The following VPS36 variants were observed in gnomAD, a reference collection of about 807,000 sequenced individuals.
The protein encoded by VPS36 is vacuolar protein sorting 36 homolog.
In VPS36, 31 loss-of-function variants were observed where a neutral mutation model predicts 63.5. The ratio of observed to expected loss-of-function variants is 0.49; its 90% confidence interval spans 0.37 to 0.66. The LOEUF is 0.66. VPS36 is among the 30% of genes least tolerant of loss of function. The pLI is 0.00. For synonymous variants in VPS36, 138 were observed against 157.2 expected (o/e 0.88, Z 0.91); for missense variants, 338 against 463.7 (o/e 0.73, Z 2.49).
chr13:52,449,225 T>C (rs1958374397), intron 1 of VPS36, among the ~76,000 whole-genome samples: 1 of 152,156 alleles, frequency 6.6e-6, no homozygotes, highest in Non-Finnish European at 1.5e-5. Context: ...GCGCCTGTAA[T>C]CCCAGTTACT....
chr13:52,422,662 C>T (rs1467177533), intron 10 of VPS36, among the ~76,000 whole-genome samples: 4 of 152,170 alleles, frequency 2.6e-5, no homozygotes, highest in African/African-American at 4.8e-5. Context: ...ATTTGGCTTT[C>T]GTTGCTGCAC....
At position 52,415,607 on chromosome 13, in the gene VPS36, C is replaced by A. The variant is rs1594110275; in HGVS notation, c.*223G>T. ...AAACTCTGAGGGTTCTGCACTATAG[C>A]ATGATTTTAAATTCATATTGGCATT... On this transcript the variant is annotated 3_prime_UTR_variant, in exon 14 of 14. Transcript: ENST00000378060. 3.9e-6 allele frequency: 2 copies of A among 507,236 alleles called. No individual in the cohort carries two copies. The highest frequency in any genetic ancestry group is 6.8e-5 in the East Asian group (2 of 29,608). The allele number at this position is 507,236 out of a possible 1,614,324, so 31.4% of individuals were successfully genotyped here. A position where few individuals can be genotyped will look rare whatever the true frequency, so the allele number is the denominator to read the frequency against.
intron 2 of VPS36, 149 bp from the exon 3 acceptor site, chr13:52,439,317 T>G (rs1272126393): frequency 1.6e-6 from 1 of 625,850 alleles, no homozygotes; most frequent in Non-Finnish European, 2.5e-6. Flanking sequence ...TAAATGAACT[T>G]AAGGAAAAAT....
intron 3 of VPS36, among the ~76,000 whole-genome samples, chr13:52,437,871 A>G (rs995974404): frequency 6.6e-6 from 1 of 152,090 alleles, no homozygotes; most frequent in Admixed American, 6.6e-5. Context: ...CGGAGCTTGC[A>G]GTGAGCCAAG....
At chr13:52,427,388 G>C (rs1310999069) in intron 6 of VPS36, among the ~76,000 whole-genome samples, 169 bp from the exon 7 acceptor site, 1 of 152,136 alleles carries the variant, frequency 6.6e-6, no homozygotes, top group East Asian at 1.9e-4. Context: ...GGCAGATCAC[G>C]AGGTCAGGAG....
intron 3 of VPS36, among the ~76,000 whole-genome samples, chr13:52,437,483 T>C (rs1399927948): frequency 6.6e-6 from 1 of 152,114 alleles, no homozygotes; most frequent in Non-Finnish European, 1.5e-5. Flanking sequence ...TCAGCCCTAC[T>C]ATCAGATTGT....
At chr13:52,421,770 C>T (rs767729669) in intron 10 of VPS36, among the ~76,000 whole-genome samples, 1 of 151,898 alleles carries the variant, frequency 6.6e-6, no homozygotes, top group Non-Finnish European at 1.5e-5. Flanking sequence ...GTATTCTGCC[C>T]GCCTCAGCCT....
At chr13:52,416,975 A>G in intron 12 of VPS36, 82 bp downstream of exon 12, 1 of 1,190,378 alleles carries the variant, frequency 8.4e-7, no homozygotes, top group African/African-American at 1.5e-5. Flanking sequence ...TAAATTCAAA[A>G]GGAAATCCTG....
chr13:52,420,746 A>G (rs1958037933), intron 10 of VPS36, among the ~76,000 whole-genome samples: 1 of 152,264 alleles, frequency 6.6e-6, no homozygotes, highest in Admixed American at 6.5e-5. Context: ...GTCATTACAC[A>G]TTATATGCTT....
chr13:52,418,292 AG>A (rs945895083), intron 10 of VPS36, among the ~76,000 whole-genome samples: 2 of 151,050 alleles, frequency 1.3e-5, no homozygotes, highest in African/African-American at 2.4e-5. Flanking sequence ...AAAAATAAAA[AG>A]AGGCCATGCA....
At chr13:52,443,688 C>A (rs1217286179) in intron 1 of VPS36, among the ~76,000 whole-genome samples, 1 of 152,134 alleles carries the variant, frequency 6.6e-6, no homozygotes, top group Non-Finnish European at 1.5e-5. Context: ...GAGTATGTAT[C>A]ACCTATTCAA....
intron 2 of VPS36, among the ~76,000 whole-genome samples, chr13:52,441,257 T>G (rs1311083079): frequency 1.3e-5 from 2 of 152,074 alleles, no homozygotes; most frequent in African/African-American, 4.8e-5. Context: ...GCCCTTCAAG[T>G]GCTACAGTAC....
At chr13:52,438,728 ATAAC>A (rs1958243792) in intron 3 of VPS36, among the ~76,000 whole-genome samples, 1 of 152,202 alleles carries the variant, frequency 6.6e-6, no homozygotes, top group African/African-American at 2.4e-5. Flanking sequence ...GCTTTGTACA[ATAAC>A]TATTATTATA....
rs1958248361 is a variant in VPS36, at chr13:52,439,158, A to G, written c.176T>C (p.Met59Thr). ...WRDQKNHECC[M>T]AILLSQIVFI... ...CACAATTTGGGAAAGGAGAATGGCC[A>G]TGCAACACTCCTAGGAGGAAATCAA... Residue 59 changes from methionine to threonine, a missense_variant, in exon 3 of 14, where the codon ATG (methionine) becomes ACG (threonine). Coordinates refer to ENST00000378060, the MANE Select transcript of VPS36 (RefSeq NM_016075.4). The G allele has an allele frequency of 6.2e-7, 1 of 1,613,844 alleles. No individual in the cohort carries two copies. The highest frequency in any genetic ancestry group is 8.5e-7 in the Non-Finnish European group (1 of 1,179,926).
chr13:52,429,505 C>T (rs545799195), intron 6 of VPS36: 1 of 154,612 alleles, frequency 6.5e-6, no homozygotes, highest in East Asian at 1.9e-4. Context: ...GGTGTTTCTC[C>T]CACCGTGGAT....
intron 10 of VPS36, among the ~76,000 whole-genome samples, chr13:52,418,789 C>T (rs1958018845): frequency 6.6e-6 from 1 of 152,134 alleles, no homozygotes; most frequent in Non-Finnish European, 1.5e-5. Context: ...GGATTAACTA[C>T]ATTTCAAGTC....
chr13:52,433,892 C>T (rs1958185819), intron 5 of VPS36, 144 bp from the exon 6 acceptor site: 1 of 630,598 alleles, frequency 1.6e-6, no homozygotes, highest in South Asian at 2.1e-5. Flanking sequence ...CATTTAGCTT[C>T]CCTTCAAAAC....
chr13:52,442,903 G>A (rs1391168749), intron 1 of VPS36, among the ~76,000 whole-genome samples: 2 of 152,170 alleles, frequency 1.3e-5, no homozygotes, highest in Non-Finnish European at 2.9e-5. Context: ...AAAAGTGTGA[G>A]GAAAGGGGTA....
Position 52,439,811 on chromosome 13 carries a change from A to G in VPS36, c.166-643T>C, listed in dbSNP as rs562982140. ...CATTTTACTCGTAATATTTTCTTAC[A>G]CTGAAAGCAAAAAACAAATCAGATA... On this transcript the variant is annotated intron_variant, in intron 2 of 13. Transcript: ENST00000378060. Among the ~76,000 whole-genome samples, 4 of 152,254 alleles carry G rather than the reference A, an allele frequency of 2.6e-5. No individual in the cohort carries two copies. The South Asian group carries it at 6.2e-4, about 24-fold the overall frequency.
Sources: allele counts gnomAD v4.1 joint callset (sites outside exome capture counted in the v4.1 genomes callset), GRCh38; gene constraint gnomAD v4.1.1; transcripts MANE v1.5; gene names NCBI Gene and HGNC (gene_info 2026-07-23, HGNC 2026-07-21).